Variants in MIA3 observed in about 807,000 individuals in gnomAD.
MIA3 encodes MIA SH3 domain ER export factor 3.
A neutral mutation model predicts 192.4 loss-of-function variants in MIA3; 90 were observed. The observed-to-expected ratio is 0.47, with a 90% CI of 0.39 to 0.56. The LOEUF (loss-of-function observed/expected upper bound fraction) is 0.56. Ranked by LOEUF, MIA3 falls within the 20% of genes least tolerant of loss-of-function variation. The pLI is 0.00. For missense variants in MIA3, 2,123 were observed against 2,269.4 expected, an observed-to-expected ratio of 0.94 and a Z score of 1.31; for synonymous variants, 740 against 792.8, an observed-to-expected ratio of 0.93 and a Z score of 1.12.
At chr1:222,618,463 C>T (rs1661709307) in intron 1 of MIA3, among the ~76,000 whole-genome samples, 1 of 152,208 alleles carries the variant, frequency 6.6e-6, no homozygotes, top group African/African-American at 2.4e-5. Context: ...CGCCCGGCCC[C>T]TCGGGCCTGA....
chr1:222,645,557 G>C lies in MIA3; in HGVS notation c.3481G>C (p.Val1161Leu). ...SFMFYLTKSL[V>L]ATLPDDVQPG... ...TAACATTATTTCTAACATTCAGCTA[G>C]TTGCTACATTGCCTGATGATGTTCA... Residue 1161 changes from valine to leucine, a missense_variant, in exon 7 of 28, where the codon GTT (valine) becomes CTT (leucine). Physicochemically the swap from Val to Leu is conservative, Grantham distance 32. Transcript: ENST00000344922. 1 of 1,607,406 alleles carries C rather than the reference G, an allele frequency of 6.2e-7. No individual in the cohort carries two copies. The highest frequency in any genetic ancestry group is 8.5e-7 in the Non-Finnish European group (1 of 1,176,372).
rs537395923 is a variant in MIA3, at chr1:222,643,765, C to T, written c.3478-1789C>T. On this transcript the variant is annotated intron_variant, in intron 6 of 27. Transcript: ENST00000344922. ...GGGCAACATAGGGAGACTCCCTCCC[C>T]TTCCCCGCAGCCACCATCTAAAAAA... Among the ~76,000 whole-genome samples the T allele has an allele frequency of 2.0e-5, 3 of 152,192 alleles. No individual in the cohort carries two copies. In the East Asian group the frequency reaches 5.8e-4, roughly 29 times the overall value.
At position 222,629,343 on chromosome 1, in the gene MIA3, C is replaced by A; in HGVS notation, c.2123C>A (p.Thr708Asn). 1 of 1,614,156 alleles carries A rather than the reference C, an allele frequency of 6.2e-7. No homozygotes were observed. Among genetic ancestry groups the A allele is most frequent in the Non-Finnish European group, 8.5e-7 (1 of 1,180,008 alleles). Residue 708 changes from threonine (T) to asparagine (N), a missense_variant, in exon 4 of 28, where the codon ACT (threonine) becomes AAT (asparagine). Thr to Asn is a moderately conservative substitution (Grantham distance 65, BLOSUM62 0). Coordinates refer to ENST00000344922, the MANE Select transcript of MIA3 (RefSeq NM_198551.4). Reference protein sequence around the residue: ...QGTEVGQTDQTDSTGGPAFLS... With the variant: ...QGTEVGQTDQNDSTGGPAFLS... ...ACAGAGGTAGGACAGACAGACCAAA[C>A]TGACAGCACAGGAGGACCAGCTTTC...
intron 6 of MIA3, among the ~76,000 whole-genome samples, chr1:222,640,451 A>G (rs555935205): frequency 5.3e-5 from 8 of 152,282 alleles, no homozygotes; most frequent in African/African-American, 1.9e-4. Flanking sequence ...CAAAATAGAA[A>G]ATCTGGAAAT....
Position 222,627,978 on chromosome 1 carries a change from A to T in MIA3, c.758A>T (p.Gln253Leu), listed in dbSNP as rs781076465. 1.2e-6 allele frequency: 2 copies of T among 1,613,662 alleles called. No homozygotes were observed. The highest frequency in any genetic ancestry group is 1.7e-5 in the Admixed American group (1 of 60,006). ...AACAACAAAACCAGCAATAGTTCTC[A>T]GGTCTCAAATGAACAGGATAAGATT... ...SENNKTSNSSQVSNEQDKIDA... is the reference protein window; with the variant it reads ...SENNKTSNSSLVSNEQDKIDA... Residue 253 changes from glutamine (Q) to leucine (L), a missense_variant, in exon 4 of 28, where the codon CAG (glutamine) becomes CTG (leucine). Around this residue, in one of 3 missense-constraint regions of MIA3, gnomAD observed 1,357 missense variants for 1,396.1 expected, o/e 0.97. Coordinates refer to ENST00000344922, the MANE Select transcript of MIA3 (RefSeq NM_198551.4).
Position 222,645,667 on chromosome 1 carries a change from A to G in MIA3, c.3591A>G (p.Leu1197=). 1.9e-6 allele frequency: 3 copies of G among 1,613,918 alleles called. No homozygotes were observed. The highest frequency in any genetic ancestry group is 2.5e-6 in the Non-Finnish European group (3 of 1,179,920). ...GAATTGCTTCGTTTGCCATTTTCTT[A>G]TGGAGAACTGTCCTTGTTGTGAGTA... ...FLGIASFAIF[L]WRTVLVVKDR... The change falls in exon 7 of 28, where the codon TTA becomes TTG. Residue 1197 remains leucine, a synonymous_variant. Transcript: ENST00000344922.
At chr1:222,618,380 G>A in intron 1 of MIA3, 137 bp downstream of exon 1, 4 of 920,866 alleles carry the variant, frequency 4.3e-6, no homozygotes, top group Non-Finnish European at 2.8e-6. Flanking sequence ...CCCGGGGGTC[G>A]CAGGCGGGAT....
At position 222,654,389 on chromosome 1, in the gene MIA3, A is replaced by T. The variant is rs1220365021; in HGVS notation, c.4378A>T (p.Thr1460Ser). The change falls in exon 17 of 28, where the codon ACA becomes TCA. Residue 1460 changes from threonine (T) to serine (S), a missense_variant and splice_region_variant. This residue lies in a region of MIA3 where 762 missense variants were observed against 856.4 expected (regional missense o/e 0.89). Coordinates refer to ENST00000344922, the MANE Select transcript of MIA3 (RefSeq NM_198551.4). ...TACTTGTCTCTTCTGCAATTTTTAG[A>T]CACAGACTGCAATATCGGTAGTTGA... is the stretch of plus-strand genomic sequence containing the variant. ...QIKQMMDVSR[T>S]QTAISVVEED... The T allele has an allele frequency of 6.2e-7, 1 of 1,613,738 alleles. No homozygotes were observed. The highest frequency in any genetic ancestry group is 1.7e-5 in the Admixed American group (1 of 60,012).
At position 222,629,442 on chromosome 1, in the gene MIA3, G is replaced by A. The variant is rs751823621; in HGVS notation, c.2222G>A (p.Arg741Gln). The A allele has an allele frequency of 8.7e-6, 14 of 1,613,948 alleles. No homozygotes were observed. The highest frequency in any genetic ancestry group is 2.2e-5 in the South Asian group (2 of 91,082). Residue 741 changes from arginine to glutamine, a missense_variant, in exon 4 of 28, where the codon CGG becomes CAG. Coordinates refer to ENST00000344922, the MANE Select transcript of MIA3 (RefSeq NM_198551.4). ...GATGAAAACGCTATAAATGCAAAAC[G>A]GTCTAAAGAAAAAAACCCTGGGAAT... ...LEDENAINAK[R>Q]SKEKNPGNQG...
intron 2 of MIA3, among the ~76,000 whole-genome samples, chr1:222,623,898 G>A (rs1250516107): frequency 6.6e-6 from 1 of 152,224 alleles, no homozygotes; most frequent in Non-Finnish European, 1.5e-5. Context: ...TTGGTGGGCA[G>A]ATTAGTGTGT....
intron 26 of MIA3, chr1:222,662,552 T>C: frequency 7.8e-7 from 1 of 1,275,424 alleles, no homozygotes; most frequent in Middle Eastern, 3.1e-4. Flanking sequence ...AAGTGTGGAC[T>C]GAACTGGGCT....
At chr1:222,641,572 G>C (rs1156977356) in intron 6 of MIA3, 2 of 510,326 alleles carry the variant, frequency 3.9e-6, no homozygotes, top group Non-Finnish European at 7.8e-6. Context: ...GAAGTCCTTG[G>C]CATCCTCGGC....
At chr1:222,636,000 G>A (rs1662607475) in intron 6 of MIA3, among the ~76,000 whole-genome samples, 3 of 152,082 alleles carry the variant, frequency 2.0e-5, no homozygotes, top group African/African-American at 7.3e-5. Context: ...AATATTTGAA[G>A]TTATACTTTA....
chr1:222,624,793 CA>C lies in MIA3; in HGVS notation c.297del (p.Asp100IlefsTer2). The C allele has an allele frequency of 6.3e-7, 1 of 1,593,508 alleles. No homozygotes were observed. The highest frequency in any genetic ancestry group is 1.1e-5 in the South Asian group (1 of 90,258). ...GSVGRTFGYF[P>X]KDLIQVVHEY... ...GTTGGACGCACTTTTGGATATTTTC[CA>C]AAAGATTTAATCCAGGTAGTTCATG... On this transcript the variant is annotated frameshift_variant, in exon 3 of 28. Transcript: ENST00000344922. LOFTEE classifies it high-confidence loss of function.
At chr1:222,633,067 TAA>T in intron 5 of MIA3, 35 bp from the exon 6 acceptor site, 2 of 1,557,990 alleles carry the variant, frequency 1.3e-6, no homozygotes, top group Non-Finnish European at 1.7e-6. Flanking sequence ...ATTCTTATTC[TAA>T]AGCACAAAAT....
intron 18 of MIA3, among the ~76,000 whole-genome samples, chr1:222,655,047 G>A (rs1056923672): frequency 2.0e-5 from 3 of 152,212 alleles, no homozygotes; most frequent in African/African-American, 7.2e-5. Flanking sequence ...CGCTGCTGTG[G>A]GAGTGCTTCT....
In MIA3 at chr1:222,629,612, G is replaced by A. The variant is rs766045261; in HGVS notation, c.2392G>A (p.Gly798Arg). ...SEKTSETAAK[G>R]VNTGGREPNT... is the part of the protein sequence containing the mutation. ...AAAAACAAGTGAGACTGCTGCCAAA[G>A]GGGTCAACACAGGAGGCAGGGAACC... The change falls in exon 4 of 28, where the codon GGG becomes AGG. Residue 798 changes from glycine to arginine, a missense_variant. Physicochemically the swap from Gly to Arg is moderately radical, Grantham distance 125. This residue lies in a region of MIA3 where 1,357 missense variants were observed against 1,396.1 expected (regional missense o/e 0.97). Transcript: ENST00000344922. 6.2e-7 allele frequency: 1 copy of A among 1,613,958 alleles called. No homozygotes were observed. Among genetic ancestry groups the A allele is most frequent in the Non-Finnish European group, 8.5e-7 (1 of 1,179,924 alleles).
chr1:222,629,319 C>A lies in MIA3; in HGVS notation c.2099C>A (p.Thr700Lys). ...TTTCATCACAAGGCAATGCAGGGCA[C>A]AGAGGTAGGACAGACAGACCAAACT... Reference protein sequence around the residue: ...EFFHHKAMQGTEVGQTDQTDS... With the variant: ...EFFHHKAMQGKEVGQTDQTDS... Residue 700 changes from threonine to lysine, a missense_variant, in exon 4 of 28, where the codon ACA becomes AAA. This residue lies in a region of MIA3 where 1,357 missense variants were observed against 1,396.1 expected (regional missense o/e 0.97). Coordinates refer to ENST00000344922, the MANE Select transcript of MIA3 (RefSeq NM_198551.4). The A allele has an allele frequency of 6.2e-7, 1 of 1,614,160 alleles. No individual in the cohort carries two copies. The highest frequency in any genetic ancestry group is 8.5e-7 in the Non-Finnish European group (1 of 1,180,022).
rs534391102 is a variant in MIA3, at chr1:222,629,886, C to T, written c.2666C>T (p.Thr889Ile). 15 of 1,613,904 alleles carry T rather than the reference C, an allele frequency of 9.3e-6. No homozygotes were observed. Among genetic ancestry groups the T allele is most frequent in the Admixed American group, 1.7e-5 (1 of 60,000 alleles). The part of the protein sequence containing the change: ...DHENTEKYMG[T>I]ESQGSAAAEP... ...GAGAACACAGAGAAGTACATGGGCA[C>T]AGAAAGCCAGGGGTCTGCTGCTGCA... Residue 889 changes from threonine (T) to isoleucine (I), a missense_variant, in exon 4 of 28, where the codon ACA becomes ATA. Physicochemically the swap from Thr to Ile is moderately conservative, Grantham distance 89 (BLOSUM62 -1). This residue lies in a region of MIA3 where 1,357 missense variants were observed against 1,396.1 expected (regional missense o/e 0.97). Transcript: ENST00000344922.
Sources: gnomAD v4.1 joint callset for allele counts (sites outside exome capture counted in the v4.1 genomes callset) on GRCh38, gnomAD v4.1.1 for gene constraint, gnomAD v4.1.1 regional missense constraint, MANE v1.5 for transcripts, NCBI Gene and HGNC (gene_info 2026-07-23, HGNC 2026-07-21) for gene names.